Variants in CAPN15 observed in about 807,000 individuals in gnomAD.
CAPN15 encodes calpain-15.
A neutral mutation model predicts 97.9 loss-of-function variants in CAPN15; 53 were observed. The ratio of observed to expected loss-of-function variants is 0.54; its 90% CI spans 0.43 to 0.68. The LOEUF (loss-of-function observed/expected upper bound fraction) is 0.68, where lower values mean the gene tolerates loss of function less well. CAPN15 is among the 30% of genes least tolerant of loss of function. The pLI is 0.00. For missense variants in CAPN15, 1,592 were observed against 1,589.8 expected, an observed-to-expected ratio of 1.00 and a Z score of -0.02; for synonymous variants, 922 against 722.5, an observed-to-expected ratio of 1.28 and a Z score of -4.43.
intron 2 of CAPN15, among the ~76,000 whole-genome samples, chr16:534,354 G>A (rs530353140): frequency 8.5e-5 from 13 of 152,310 alleles, no homozygotes; most frequent in South Asian, 4.1e-4. Flanking sequence ...GGCCCCCACC[G>A]CTATCCTCAG....
rs1306131387 is a variant in CAPN15, at chr16:551,194, C to T, written c.2067-108C>T. On this transcript the variant is annotated intron_variant, in intron 7 of 13. Transcript: ENST00000219611. ...GGTCCCGGTCGGTGAGGGCCCCGGT[C>T]GGTGAGGGTCCCCAGTCGGTGAGGG... 5.7e-5 allele frequency: 81 copies of T among 1,427,556 alleles called. 1 individual carries two copies. The highest frequency in any genetic ancestry group is 9.5e-5 in the East Asian group (4 of 42,124). 88.4% of individuals were successfully genotyped at this position (1,427,556 alleles called of 1,614,324 possible).
Position 551,586 on chromosome 16 carries a change from C to A in CAPN15, c.2267C>A (p.Pro756Gln), listed in dbSNP as rs745804543. Residue 756 changes from proline to glutamine, a missense_variant, in exon 9 of 14, where the codon CCG (proline) becomes CAG (glutamine). Physicochemically the swap from Pro to Gln is moderately conservative, Grantham distance 76. Coordinates refer to ENST00000219611, the MANE Select transcript of CAPN15 (RefSeq NM_005632.3). Reference sequence around the variant, plus strand: ...TGGTCCGACGAGTGGCCACACTGGCCGGGGCACCTGCGTGGCGAGCTCATG... The same window carrying A: ...TGGTCCGACGAGTGGCCACACTGGCAGGGGCACCTGCGTGGCGAGCTCATG... The part of the protein sequence containing the change: ...GSWSDEWPHW[P>Q]GHLRGELMPH... The A allele has an allele frequency of 1.9e-6, 3 of 1,610,490 alleles. No individual in the cohort carries two copies. Among genetic ancestry groups the A allele is most frequent in the Non-Finnish European group, 2.5e-6 (3 of 1,179,502 alleles).
At chr16:534,347 C>A (rs1217418699) in intron 2 of CAPN15, among the ~76,000 whole-genome samples, 1 of 151,240 alleles carries the variant, frequency 6.6e-6, no homozygotes, top group Non-Finnish European at 1.5e-5. Context: ...TGTGCACGGC[C>A]CCCACCGCTA....
intron 6 of CAPN15, 41 bp from the exon 7 acceptor site, chr16:549,574 G>C (rs762265091): frequency 3.3e-6 from 5 of 1,505,582 alleles, no homozygotes; most frequent in East Asian, 2.5e-5. Context: ...CGGGTAGTGT[G>C]GGGGGCGGGC....
At position 552,525 on chromosome 16, in the gene CAPN15, C is replaced by A. The variant is rs758164589; in HGVS notation, c.2732C>A (p.Pro911His). Reference protein sequence around the residue: ...WGPPLPGTPAPQASSPSAGVP... With the variant: ...WGPPLPGTPAHQASSPSAGVP... ...CCGCCCCTGCCGGGCACCCCTGCCC[C>A]CCAGGGTACGTGGCCCCTACCCCAG... is the stretch of plus-strand genomic sequence containing the variant. The change falls in exon 11 of 14, where the codon CCC becomes CAC. Residue 911 changes from proline (P) to histidine (H), a missense_variant. Physicochemically the swap from Pro to His is moderately conservative, Grantham distance 77. Around this residue, in one of 3 missense-constraint regions of CAPN15, gnomAD observed 644 missense variants for 699.6 expected, o/e 0.92. Coordinates refer to ENST00000219611, the MANE Select transcript of CAPN15 (RefSeq NM_005632.3). This position sits in a 1 kb window ranked among gnomAD's most constrained non-coding sequence, Gnocchi z 6.4. 1 of 1,599,884 alleles carries A rather than the reference C, an allele frequency of 6.3e-7. No individual in the cohort carries two copies. The highest frequency in any genetic ancestry group is 1.7e-5 in the Admixed American group (1 of 59,636).
intron 3 of CAPN15, among the ~76,000 whole-genome samples, chr16:542,362 T>C (rs1267097922): frequency 1.3e-5 from 2 of 152,176 alleles, no homozygotes; most frequent in African/African-American, 4.8e-5. Context: ...CCAAGCCATC[T>C]TCCGCAGCGG....
chr16:528,068 G>C (rs1176726623), intron 1 of CAPN15, 39 bp downstream of exon 1: 2 of 144,234 alleles, frequency 1.4e-5, no homozygotes, highest in African/African-American at 5.0e-5. Context: ...GCGCCCAGCC[G>C]GGGACCCCGG....
At chr16:549,262 C>T (rs372584672) in intron 5 of CAPN15, 26 bp from the exon 6 acceptor site, 55 of 1,562,778 alleles carry the variant, frequency 3.5e-5, no homozygotes, top group Admixed American at 2.9e-4. Context: ...GCGGTCCCCG[C>T]GAGGTCACCC....
Position 548,132 on chromosome 16 carries a change from T to C in CAPN15, c.1294T>C (p.Cys432Arg), listed in dbSNP as rs1378812565. ...GCTCAACGCACTGCGGGCCAAGCAC[T>C]GCGCCGCCTGCCACACGCCTCAGCT... ...TLLNALRAKH[C>R]AACHTPQLLV... The change falls in exon 4 of 14, where the codon TGC becomes CGC. Residue 432 changes from cysteine to arginine, a missense_variant. Cys to Arg is a radical substitution (Grantham distance 180, BLOSUM62 -3). Around this residue, in one of 3 missense-constraint regions of CAPN15, gnomAD observed 883 missense variants for 776.6 expected, o/e 1.14. Coordinates refer to ENST00000219611, the MANE Select transcript of CAPN15 (RefSeq NM_005632.3). 3.9e-6 allele frequency: 6 copies of C among 1,528,748 alleles called. No individual in the cohort carries two copies. The highest frequency in any genetic ancestry group is 3.5e-6 in the Non-Finnish European group (4 of 1,138,940). The allele number at this position is 1,528,748 out of a possible 1,614,324, so 94.7% of individuals were successfully genotyped here.
At position 552,785 on chromosome 16, in the gene CAPN15, C is replaced by A. The variant is rs372464550; in HGVS notation, c.2904+14C>A. On this transcript the variant is annotated intron_variant, in intron 12 of 13. Coordinates refer to ENST00000219611, the MANE Select transcript of CAPN15 (RefSeq NM_005632.3). This position sits in a 1 kb window ranked among gnomAD's most constrained non-coding sequence, Gnocchi z 6.4. ...GAGCGGCACGAGGTGGGTGGGGGTCCCGGGGGAGGGTGGCGTGGGGCAGGG... is the reference window on the plus strand; with the variant it reads ...GAGCGGCACGAGGTGGGTGGGGGTCACGGGGGAGGGTGGCGTGGGGCAGGG... 1 of 1,526,922 alleles carries A rather than the reference C, an allele frequency of 6.5e-7. No individual in the cohort carries two copies. The highest frequency in any genetic ancestry group is 1.2e-5 in the South Asian group (1 of 82,654). The allele number at this position is 1,526,922 out of a possible 1,614,324, so 94.6% of individuals were successfully genotyped here.
chr16:550,495 G>A (rs1048245694), intron 7 of CAPN15, among the ~76,000 whole-genome samples: 4 of 152,236 alleles, frequency 2.6e-5, no homozygotes, highest in Non-Finnish European at 4.4e-5. Flanking sequence ...TCTCTGCTGC[G>A]CCTGCCTGTC....
intron 3 of CAPN15, chr16:540,277 GC>G: frequency 8.1e-6 from 8 of 985,494 alleles, no homozygotes; most frequent in Non-Finnish European, 9.6e-6. Context: ...TCCCCCGGCA[GC>G]GGCTGGCTGG....
In CAPN15 at chr16:552,409, T is replaced by TA; in HGVS notation, c.2618dup (p.Arg874AlafsTer98). The TA allele has an allele frequency of 1.2e-6, 2 of 1,609,028 alleles. No homozygotes were observed. The highest frequency in any genetic ancestry group is 1.7e-6 in the Non-Finnish European group (2 of 1,179,454). On this transcript the variant is annotated frameshift_variant, in exon 11 of 14. Transcript: ENST00000219611. LOFTEE classifies it high-confidence loss of function. The surrounding 1 kb of genome is among the most constrained non-coding windows in gnomAD (Gnocchi z 6.4). ...GCCTGGGCCGCCTCCTGGCCCACAGTAAGCGCGCGGTCAAGAAGTTCGTCA... is the reference window on the plus strand; with the variant it reads ...GCCTGGGCCGCCTCCTGGCCCACAGTAAAGCGCGCGGTCAAGAAGTTCGTCA...
intron 3 of CAPN15, among the ~76,000 whole-genome samples, chr16:542,168 C>T (rs1025467238): frequency 8.5e-5 from 13 of 152,382 alleles, no homozygotes; most frequent in East Asian, 1.9e-4. Flanking sequence ...TGCTCCTTTG[C>T]GGGATGAACC....
chr16:548,857 G>A (rs1039852985), intron 4 of CAPN15, 136 bp from the exon 5 acceptor site: 1 of 814,776 alleles, frequency 1.2e-6, no homozygotes, highest in Non-Finnish European at 2.0e-6. Context: ...CGCCAGGTCT[G>A]TGGCTGTCCA....
rs948082958 is a variant in CAPN15 at position 535,386 on chromosome 16, C to G, written c.-136-643C>G. The G allele has an allele frequency of 1.3e-5, 2 of 154,226 alleles. No individual in the cohort carries two copies. Among genetic ancestry groups the G allele is most frequent in the Non-Finnish European group, 2.9e-5 (2 of 68,110 alleles). The allele number at this position is 154,226 out of a possible 1,614,324, so 9.6% of individuals were successfully genotyped here. On this transcript the variant is annotated intron_variant, in intron 2 of 13. Coordinates refer to ENST00000219611, the MANE Select transcript of CAPN15 (RefSeq NM_005632.3). The surrounding 1 kb of genome is among the most constrained non-coding windows in gnomAD (Gnocchi z 6.2). The stretch of plus-strand genomic sequence containing the variant: ...TGATCATCCTGGCCCTTCTCGTGCA[C>G]GTCCCCTGGCTGGATGCTCCTTGCT...
intron 7 of CAPN15, among the ~76,000 whole-genome samples, chr16:550,684 AGTCGGTGAGGGTCCCG>A (rs1379082933): frequency 6.9e-4 from 29 of 42,088 alleles, no homozygotes; most frequent in South Asian, 1.1e-3. Context: ...GAGGGCCCCC[AGTCGGTGAGGGTCCCG>A]GTCGGTGAGG....
At chr16:543,010 C>T (rs368210464) in intron 3 of CAPN15, among the ~76,000 whole-genome samples, 1 of 152,060 alleles carries the variant, frequency 6.6e-6, no homozygotes, top group Non-Finnish European at 1.5e-5. Flanking sequence ...AAGATTGCAC[C>T]ACTGCACTCC....
At chr16:532,268 A>T (rs547470948) in intron 1 of CAPN15, among the ~76,000 whole-genome samples, 3 of 149,952 alleles carry the variant, frequency 2.0e-5, no homozygotes, top group Non-Finnish European at 3.0e-5. Context: ...AAAAAGTAGA[A>T]TTCGGTTGGG....
Sources: gnomAD v4.1 joint callset for allele counts (sites outside exome capture counted in the v4.1 genomes callset) on GRCh38, gnomAD v4.1.1 for gene constraint, gnomAD v4.1.1 regional missense constraint, Gnocchi (gnomAD v3.1) non-coding constraint, MANE v1.5 for transcripts, NCBI Gene and HGNC (gene_info 2026-07-23, HGNC 2026-07-21) for gene names.